The following TTC28 variants were observed in gnomAD, a reference collection of about 807,000 sequenced individuals.
TTC28 encodes the protein tetratricopeptide repeat protein 28.
In TTC28, 61 loss-of-function variants were observed where a neutral mutation model predicts 198.0. The ratio of observed to expected loss-of-function variants is 0.31; its 90% CI spans 0.25 to 0.38. The LOEUF (loss-of-function observed/expected upper bound fraction) is 0.38. TTC28 is among the 10% of genes least tolerant of loss of function. The pLI is 1.00. For synonymous variants in TTC28, 1,171 were observed against 1,297.8 expected (o/e 0.90, Z 2.10); for missense variants, 2,678 against 3,164.0 (o/e 0.85, Z 3.69).
intron 14 of TTC28, among the ~76,000 whole-genome samples, chr22:28,009,714 T>C (rs1359828483): frequency 3.9e-5 from 6 of 152,216 alleles, no homozygotes; most frequent in African/African-American, 1.4e-4. Flanking sequence ...AGTCTGTGAG[T>C]GACCAGACAT....
chr22:28,338,732 C>T (rs906360608), intron 2 of TTC28, among the ~76,000 whole-genome samples: 1 of 152,122 alleles, frequency 6.6e-6, no homozygotes, highest in African/African-American at 2.4e-5. Context: ...TTCTAGTTAG[C>T]CATTTGTCTA....
intron 2 of TTC28, among the ~76,000 whole-genome samples, chr22:28,586,108 C>G (rs777122071): frequency 8.6e-5 from 13 of 151,532 alleles, no homozygotes; most frequent in Non-Finnish European, 1.6e-4. Flanking sequence ...GTGAAACCCC[C>G]TCTCTACAAA....
intron 5 of TTC28, among the ~76,000 whole-genome samples, chr22:28,272,267 A>G: frequency 6.6e-6 from 1 of 152,240 alleles, no homozygotes; most frequent in East Asian, 1.9e-4. Context: ...TTATCACTCA[A>G]CCAAATCAAG....
At chr22:28,105,867 C>G in intron 7 of TTC28, 65 bp from the exon 8 acceptor site, 1 of 1,460,060 alleles carries the variant, frequency 6.8e-7, no homozygotes, top group Non-Finnish European at 9.0e-7. Flanking sequence ...GCTAAAGCCC[C>G]TGAGAAAATG....
intron 5 of TTC28, among the ~76,000 whole-genome samples, chr22:28,218,626 C>T (rs956859508): frequency 2.0e-5 from 3 of 152,022 alleles, no homozygotes; most frequent in Non-Finnish European, 2.9e-5. Flanking sequence ...AGTGCACAAG[C>T]GCCTTTCTTT....
intron 6 of TTC28, among the ~76,000 whole-genome samples, chr22:28,120,989 CA>C (rs1197542995): frequency 2.6e-5 from 4 of 152,240 alleles, no homozygotes; most frequent in Non-Finnish European, 5.9e-5. Context: ...TTGGTTAGGG[CA>C]ATTTCAAAAA....
intron 2 of TTC28, among the ~76,000 whole-genome samples, chr22:28,491,906 T>C (rs1457192759): frequency 2.0e-5 from 3 of 152,136 alleles, no homozygotes; most frequent in Non-Finnish European, 2.9e-5. Flanking sequence ...GTGGCACATA[T>C]ACACCACGGA....
intron 2 of TTC28, among the ~76,000 whole-genome samples, chr22:28,562,243 A>G (rs2049895820): frequency 6.6e-6 from 1 of 152,258 alleles, no homozygotes; most frequent in Non-Finnish European, 1.5e-5. Flanking sequence ...AGGCTAACGA[A>G]AAATGGCTTC....
intron 12 of TTC28, among the ~76,000 whole-genome samples, chr22:28,070,054 T>C (rs1409793253): frequency 6.6e-6 from 1 of 152,128 alleles, no homozygotes; most frequent in African/African-American, 2.4e-5. Context: ...ATTTTTTGCC[T>C]GTATATAGTC....
At chr22:28,617,287 G>A (rs1046130579) in intron 2 of TTC28, among the ~76,000 whole-genome samples, 1 of 150,910 alleles carries the variant, frequency 6.6e-6, no homozygotes, top group Non-Finnish European at 1.5e-5. Flanking sequence ...GATCACTTGA[G>A]CCCCAGTGTT....
chr22:28,142,631 G>A (rs1601377172), intron 6 of TTC28, among the ~76,000 whole-genome samples: 1 of 152,138 alleles, frequency 6.6e-6, no homozygotes. Context: ...CTCAGCAAAA[G>A]AGCTGAGGAA....
At chr22:28,077,757 A>T (rs1941214925) in intron 12 of TTC28, among the ~76,000 whole-genome samples, 1 of 152,248 alleles carries the variant, frequency 6.6e-6, no homozygotes. Flanking sequence ...GAAAAAAATA[A>T]CAGCTATAGT....
intron 1 of TTC28, among the ~76,000 whole-genome samples, chr22:28,650,617 C>A (rs1041206006): frequency 5.1e-4 from 77 of 152,184 alleles, no homozygotes; most frequent in Non-Finnish European, 9.8e-4. Flanking sequence ...CAAAACACAG[C>A]ATGAACCTAG....
intron 12 of TTC28, among the ~76,000 whole-genome samples, chr22:28,043,299 G>A (rs995971612): frequency 8.0e-5 from 12 of 149,836 alleles, no homozygotes; most frequent in Non-Finnish European, 5.9e-5. Flanking sequence ...GATTCACAGG[G>A]TCACATATGG....
At position 28,605,340 on chromosome 22, in the gene TTC28, A is replaced by G. The variant is rs192399879; in HGVS notation, c.381+24212T>C. Reference sequence around the variant, plus strand: ...ATAAAAACTTAATGTACAAATAAGTAAACAATGACCAGTGGCCTTAAGAGA... The same window carrying G: ...ATAAAAACTTAATGTACAAATAAGTGAACAATGACCAGTGGCCTTAAGAGA... On this transcript the variant is annotated intron_variant, in intron 2 of 22. Transcript: ENST00000397906. Among the ~76,000 whole-genome samples, 8 of 152,338 alleles carry G rather than the reference A, an allele frequency of 5.3e-5. No homozygotes were observed. The East Asian group carries it at 9.6e-4, about 18-fold the overall frequency.
At chr22:27,984,929 C>G (rs1020687270) in intron 22 of TTC28, among the ~76,000 whole-genome samples, 1 of 152,192 alleles carries the variant, frequency 6.6e-6, no homozygotes, top group Non-Finnish European at 1.5e-5. Flanking sequence ...ACCTGAGTGT[C>G]CGCTCCGGTC....
chr22:28,256,314 A>G (rs1000762351), intron 5 of TTC28, among the ~76,000 whole-genome samples: 13 of 150,802 alleles, frequency 8.6e-5, no homozygotes, highest in Admixed American at 1.3e-4. Flanking sequence ...CCAGATACTC[A>G]GGAGGCTGAG....
chr22:28,589,801 A>G (rs1474646330), intron 2 of TTC28, among the ~76,000 whole-genome samples: 8 of 152,168 alleles, frequency 5.3e-5, no homozygotes, highest in Non-Finnish European at 1.2e-4. Context: ...GCACTTTGGG[A>G]GGCCAAGGCG....
chr22:28,389,436 C>T (rs991214855), intron 2 of TTC28, among the ~76,000 whole-genome samples: 5 of 150,762 alleles, frequency 3.3e-5, no homozygotes, highest in African/African-American at 7.3e-5. Flanking sequence ...CCTCCTTGTA[C>T]CTCTGGTAGA....
Sources: gnomAD v4.1 joint callset for allele counts (sites outside exome capture counted in the v4.1 genomes callset) on GRCh38, gnomAD v4.1.1 for gene constraint, MANE v1.5 for transcripts, NCBI Gene and HGNC (gene_info 2026-07-23, HGNC 2026-07-21) for gene names.